KCNT1: variants seen among roughly 807,000 people sequenced by gnomAD.
KCNT1 encodes the protein potassium channel subfamily T member 1.
A neutral mutation model predicts 147.8 loss-of-function variants in KCNT1; 78 were observed. The observed-to-expected ratio is 0.53, with a 90% CI of 0.44 to 0.64. The LOEUF (loss-of-function observed/expected upper bound fraction) is 0.64, where lower values mean the gene tolerates loss of function less well. Among genes scored for constraint, KCNT1 ranks in the 30% least tolerant of loss-of-function variants. The probability of loss-of-function intolerance (pLI) is 0.00; values close to 1 mark genes in which losing one functional copy is unlikely to be tolerated. For synonymous variants in KCNT1, 867 were observed against 748.8 expected (o/e 1.16, Z -2.58); for missense variants, 1,419 against 1,750.3 (o/e 0.81, Z 3.38).
At chr9:135,707,499 G>T (rs1257501925) in intron 1 of KCNT1, among the ~76,000 whole-genome samples, 1 of 152,164 alleles carries the variant, frequency 6.6e-6, no homozygotes, top group African/African-American at 2.4e-5. Context: ...GTGGCCGGGG[G>T]CAGGGGCTGT....
chr9:135,765,617 C>T lies in KCNT1; in HGVS notation c.1201-7C>T. 7 of 1,603,430 alleles carry T rather than the reference C, an allele frequency of 4.4e-6. No homozygotes were observed. The East Asian group carries it at 9.0e-5, about 21-fold the overall frequency. ...TCAGAGGGTCTGACCCTCCGCCTGG[C>T]CGGCAGGACTATTACGTGGTCATCC... On this transcript the variant is annotated splice_polypyrimidine_tract_variant and splice_region_variant and intron_variant, in intron 12 of 30. Transcript: ENST00000371757.
intron 15 of KCNT1, among the ~76,000 whole-genome samples, chr9:135,769,295 C>T (rs1353439219): frequency 2.0e-5 from 3 of 149,238 alleles, no homozygotes; most frequent in Admixed American, 1.3e-4. Context: ...GCGTCTGGGG[C>T]AGGGCGCGTG....
intron 1 of KCNT1, among the ~76,000 whole-genome samples, chr9:135,702,779 G>C (rs949477387): frequency 6.6e-6 from 1 of 152,082 alleles, no homozygotes; most frequent in African/African-American, 2.4e-5. Context: ...GGCAGTGCTC[G>C]GCCAGGGTGG....
At chr9:135,763,716 T>G (rs111482463) in intron 11 of KCNT1, among the ~76,000 whole-genome samples, 3,770 of 152,288 alleles carry the variant, frequency 0.025, 65 homozygotes, top group Middle Eastern at 0.11. Context: ...CAGGGTGACC[T>G]TATCTTAAAT....
intron 24 of KCNT1, among the ~76,000 whole-genome samples, chr9:135,782,150 G>A (rs1833654133): frequency 6.6e-6 from 1 of 152,246 alleles, no homozygotes; most frequent in Admixed American, 6.5e-5. Context: ...GTTGCAGTGA[G>A]CCGAGATTGT....
At chr9:135,750,715 A>C (rs1831105573) in intron 3 of KCNT1, 1 of 583,854 alleles carries the variant, frequency 1.7e-6, no homozygotes, top group African/African-American at 1.9e-5. Context: ...CTGCACCCCA[A>C]GTTCAGGCAC....
chr9:135,762,539 G>A (rs902739656), intron 11 of KCNT1, among the ~76,000 whole-genome samples: 5 of 152,050 alleles, frequency 3.3e-5, no homozygotes, highest in African/African-American at 4.8e-5. Context: ...CTTGAGATCC[G>A]GCGTTCAAGA....
rs1314284229 is a variant in KCNT1, at chr9:135,782,336, CCCACCTCCCCTGCCGT to C, written c.2842-1675_2842-1660del. ...TGTGAGAGGAGTCTCTCCCCTGAGG[CCCACCTCCCCTGCCGT>C]CCACCTCCCCTGGTCTCCAGCACCC... On this transcript the variant is annotated intron_variant, in intron 24 of 30. Coordinates refer to ENST00000371757, the MANE Select transcript of KCNT1 (RefSeq NM_020822.3). Among the ~76,000 whole-genome samples the C allele has an allele frequency of 7.2e-5, 11 of 152,314 alleles. No homozygotes were observed. In the East Asian group the frequency reaches 7.7e-4, roughly 11 times the overall value.
chr9:135,732,015 G>T (rs1300394731), intron 2 of KCNT1, among the ~76,000 whole-genome samples: 12 of 120,248 alleles, frequency 1.0e-4, no homozygotes, highest in East Asian at 2.6e-4. Flanking sequence ...GAGAGAGAGA[G>T]AGAGAGAGAG....
rs1445337149 is a variant in KCNT1 at position 135,702,292 on chromosome 9, G to A, written c.34G>A (p.Gly12Ser). ...CCCTGACGGGGCGCGGACCCCGGGG[G>A]GCGTCTGCCGGGAGGCGCGCGGCGG... ...PLPDGARTPG[G>S]VCREARGGGY... Residue 12 changes from glycine to serine, a missense_variant, in exon 1 of 31, where the codon GGC (glycine) becomes AGC (serine). This residue lies in a region of KCNT1 where 181 missense variants were observed against 155.7 expected (regional missense o/e 1.16). Transcript: ENST00000371757. The A allele has an allele frequency of 6.2e-7, 1 of 1,609,282 alleles. No individual in the cohort carries two copies. The highest frequency in any genetic ancestry group is 8.5e-7 in the Non-Finnish European group (1 of 1,178,140).
chr9:135,784,639 TGGGCTGG>T (rs1564391051), intron 26 of KCNT1, 21 bp downstream of exon 26: 1 of 1,610,960 alleles, frequency 6.2e-7, no homozygotes, highest in East Asian at 2.2e-5. Context: ...CTGGCTGCGC[TGGGCTGG>T]GGGCGTGCTG....
chr9:135,723,933 C>T (rs75336431), intron 2 of KCNT1, among the ~76,000 whole-genome samples: 5,597 of 152,274 alleles, frequency 0.037, 160 homozygotes, highest in Middle Eastern at 0.078. Flanking sequence ...GTGTCCGTTC[C>T]CCTGAGGGTG....
rs562944478 is a variant in KCNT1 at position 135,791,556 on chromosome 9, TG to T, written c.3503-240del. On this transcript the variant is annotated intron_variant, in intron 29 of 30. Coordinates refer to ENST00000371757, the MANE Select transcript of KCNT1 (RefSeq NM_020822.3). ...GATGCCACCTAGCACCAGAGGTGGG[TG>T]CGGGTCAGAGCTGGCTCCCAGCTGC... 4.8e-4 allele frequency: 249 copies of T among 522,964 alleles called. 1 individual carries two copies. Among genetic ancestry groups the T allele is most frequent in the Middle Eastern group, 3.2e-3 (6 of 1,878 alleles). The allele number at this position is 522,964 out of a possible 1,614,324, so 32.4% of individuals were successfully genotyped here.
intron 2 of KCNT1, among the ~76,000 whole-genome samples, chr9:135,722,969 G>T (rs868181146): frequency 2.6e-5 from 4 of 152,324 alleles, no homozygotes; most frequent in Middle Eastern, 6.8e-3. Flanking sequence ...ATCCTCCGGG[G>T]GATTAAGTTG....
At chr9:135,761,878 G>A (rs555550799) in intron 11 of KCNT1, among the ~76,000 whole-genome samples, 25 of 152,290 alleles carry the variant, frequency 1.6e-4, no homozygotes, top group East Asian at 5.8e-4. Flanking sequence ...TTCGGGCTGC[G>A]TCCGGCTCCT....
rs560560263 is a variant in KCNT1 at position 135,730,104 on chromosome 9, G to A, written c.254+15384G>A. ...CTGATCCTTCATCCATGGGAGCTGT[G>A]CACCCCCAAATATAATTCCTGCTGG... On this transcript the variant is annotated intron_variant, in intron 2 of 30. Coordinates refer to ENST00000371757, the MANE Select transcript of KCNT1 (RefSeq NM_020822.3). The surrounding 1 kb of genome is among the most constrained non-coding windows in gnomAD (Gnocchi z 4.7). Among the ~76,000 whole-genome samples the A allele has an allele frequency of 6.6e-6, 1 of 152,148 alleles. No homozygotes were observed. The highest frequency in any genetic ancestry group is 1.5e-5 in the Non-Finnish European group (1 of 68,040).
chr9:135,702,414 C>G lies in KCNT1; in HGVS notation c.110+46C>G, dbSNP rs756818101. On this transcript the variant is annotated intron_variant, in intron 1 of 30. Coordinates refer to ENST00000371757, the MANE Select transcript of KCNT1 (RefSeq NM_020822.3). ...CCCACGCGGGGAGGCCCCGGTCTAA[C>G]CTAAGACCCCCAAGTTCCCCCTCAG... The G allele has an allele frequency of 5.9e-6, 8 of 1,357,202 alleles. No individual in the cohort carries two copies. In the South Asian group the frequency reaches 8.3e-5, roughly 14 times the overall value. 84.1% of individuals were successfully genotyped at this position (1,357,202 alleles called of 1,614,324 possible).
In KCNT1 at chr9:135,758,274, T is replaced by TCCAGGCTGCCCCGTGGGCCTCAGCCGAG; in HGVS notation, c.760-140_760-139insCCAGGCTGCCCCGTGGGCCTCAGCCGAG. 32 of 649,776 alleles carry TCCAGGCTGCCCCGTGGGCCTCAGCCGAG rather than the reference T, an allele frequency of 4.9e-5. 2 individuals are homozygous for TCCAGGCTGCCCCGTGGGCCTCAGCCGAG. The highest frequency in any genetic ancestry group is 5.5e-5 in the Non-Finnish European group (20 of 362,736). The allele number at this position is 649,776 out of a possible 1,614,324, so 40.3% of individuals were successfully genotyped here. A position where few individuals can be genotyped will look rare whatever the true frequency, so the allele number is the denominator to read the frequency against. On this transcript the variant is annotated intron_variant, in intron 9 of 30. Coordinates refer to ENST00000371757, the MANE Select transcript of KCNT1 (RefSeq NM_020822.3). The stretch of plus-strand genomic sequence containing the variant: ...CAGCCGAGACACAGGTGTGGCCAGG[T>TCCAGGCTGCCCCGTGGGCCTCAGCCGAG]ACAGGCTGCCCCGTGGGCCTCAGCC...
At chr9:135,770,167 C>A (rs938892326) in intron 16 of KCNT1, 112 bp downstream of exon 16, 2 of 1,374,676 alleles carry the variant, frequency 1.5e-6, no homozygotes, top group Non-Finnish European at 2.0e-6. Context: ...GGGCACATGG[C>A]GGGCAAAAGT....
Sources: allele counts gnomAD v4.1 joint callset (sites outside exome capture counted in the v4.1 genomes callset), GRCh38; gene constraint gnomAD v4.1.1; regional missense constraint gnomAD v4.1.1; non-coding constraint Gnocchi (gnomAD v3.1); transcripts MANE v1.5; gene names NCBI Gene and HGNC (gene_info 2026-07-23, HGNC 2026-07-21).